The following HORMAD2 variants were observed in gnomAD, a reference collection of about 807,000 sequenced individuals.
HORMAD2 encodes the protein HORMA domain containing 2.
A neutral mutation model predicts 38.8 loss-of-function variants in HORMAD2; 45 were observed. That is an observed-to-expected ratio of 1.16 (90% CI 0.91 to 1.49). The LOEUF (loss-of-function observed/expected upper bound fraction) is 1.49. HORMAD2 is among the 40% of genes most tolerant of loss of function. The pLI is 0.00. For synonymous variants in HORMAD2, 126 were observed against 122.8 expected, an observed-to-expected ratio of 1.03 and a Z score of -0.17; for missense variants, 338 against 367.0, an observed-to-expected ratio of 0.92 and a Z score of 0.65.
chr22:30,136,851 T>C, intron 10 of HORMAD2: 1 of 352,468 alleles, frequency 2.8e-6, no homozygotes. Flanking sequence ...ATGGAGAGGA[T>C]AAACAGATAG....
chr22:30,079,165 G>A (rs7286205), upstream of HORMAD2, among the ~76,000 whole-genome samples: 11,818 of 151,942 alleles, frequency 0.078, 538 homozygotes, highest in African/African-American at 0.091. Context: ...GGTTTCAAGT[G>A]GCTCACTCTT....
intron 5 of HORMAD2, among the ~76,000 whole-genome samples, chr22:30,109,569 G>A (rs1301932155): frequency 1.4e-5 from 2 of 142,484 alleles, no homozygotes; most frequent in East Asian, 4.2e-4. Context: ...TGCCCACCTT[G>A]GGCTCCCAAA....
intron 1 of HORMAD2, among the ~76,000 whole-genome samples, chr22:30,091,262 CTTTCTTTTTTTTT>C (rs1443170322): frequency 3.4e-5 from 4 of 116,634 alleles, no homozygotes; most frequent in African/African-American, 1.8e-4. Flanking sequence ...TTCTCTCTTT[CTTTCTTTTTTTTT>C]TTTTTTTTTG....
At chr22:30,080,220 C>G (rs967337608), upstream of HORMAD2, 4 of 152,422 alleles carry the variant, frequency 2.6e-5, no homozygotes, top group African/African-American at 9.6e-5. Context: ...AAGGTCGCGT[C>G]GGGTCAGTGT....
the HORMAD2 span, among the ~76,000 whole-genome samples, chr22:30,188,773 C>T: frequency 1.3e-5 from 2 of 152,128 alleles, no homozygotes; most frequent in Non-Finnish European, 2.9e-5. Context: ...CCTTTTTCCC[C>T]ACTTCCTACA....
chr22:30,179,127 T>G (rs1926598668), downstream of HORMAD2, among the ~76,000 whole-genome samples: 2 of 152,304 alleles, frequency 1.3e-5, no homozygotes, highest in Admixed American at 6.5e-5. Context: ...AATTGTCAAT[T>G]TATGGTTTCA....
chr22:30,138,809 A>G (rs897171720), intron 10 of HORMAD2, among the ~76,000 whole-genome samples: 2 of 152,202 alleles, frequency 1.3e-5, no homozygotes, highest in African/African-American at 4.8e-5. Flanking sequence ...GTATATAGAA[A>G]TACTTTTGAA....
rs1922495015 is a variant in HORMAD2, at chr22:30,122,131, A to C, written c.736A>C (p.Asn246His). 6 of 1,613,610 alleles carry C rather than the reference A, an allele frequency of 3.7e-6. No homozygotes were observed. Among genetic ancestry groups the C allele is most frequent in the African/African-American group, 2.7e-5 (2 of 74,916 alleles). Residue 246 changes from asparagine (N) to histidine (H), a missense_variant, in exon 10 of 11, where the codon AAC becomes CAC. Asn to His is a moderately conservative substitution (Grantham distance 68, BLOSUM62 1). Coordinates refer to ENST00000336726, the MANE Select transcript of HORMAD2 (RefSeq NM_152510.4). Reference protein sequence around the residue: ...TEATKVIDLENNLFRENSTTE... With the variant: ...TEATKVIDLEHNLFRENSTTE... Reference sequence around the variant, plus strand: ...GGCTACAAAAGTGATTGATTTGGAGAACAATCTGTTTCGGGAGAACAGCAC... The same window carrying C: ...GGCTACAAAAGTGATTGATTTGGAGCACAATCTGTTTCGGGAGAACAGCAC...
rs775847470 is a variant in HORMAD2 at position 30,122,045 on chromosome 22, A to G, written c.650A>G (p.Asn217Ser). The change falls in exon 10 of 11, where the codon AAC becomes AGC. Residue 217 changes from asparagine (N) to serine (S), a missense_variant. Coordinates refer to ENST00000336726, the MANE Select transcript of HORMAD2 (RefSeq NM_152510.4). The part of the protein sequence containing the change: ...HFLLFDKEPI[N>S]VQVGFVSTGF... ...CTGCTGTTTGACAAGGAGCCTATCAACGTGCAAGTGGGATTTGTCTCCACT... is the reference window on the plus strand; with the variant it reads ...CTGCTGTTTGACAAGGAGCCTATCAGCGTGCAAGTGGGATTTGTCTCCACT... 2 of 1,613,574 alleles carry G rather than the reference A, an allele frequency of 1.2e-6. No homozygotes were observed.
chr22:30,091,570 T>TTTATTATGCA (rs1460607479), intron 1 of HORMAD2, among the ~76,000 whole-genome samples: 4 of 152,156 alleles, frequency 2.6e-5, no homozygotes, highest in Non-Finnish European at 4.4e-5. Context: ...CGGCCTATAT[T>TTTATTATGCA]TTATTCATGC....
intron 10 of HORMAD2, among the ~76,000 whole-genome samples, chr22:30,145,337 G>T (rs922930678): frequency 2.0e-5 from 3 of 152,208 alleles, no homozygotes; most frequent in Non-Finnish European, 4.4e-5. Context: ...GATGAAACTG[G>T]TTGTGTATAC....
chr22:30,200,397 T>G, the HORMAD2 span, among the ~76,000 whole-genome samples: 1 of 152,190 alleles, frequency 6.6e-6, no homozygotes, highest in Admixed American at 6.5e-5. Context: ...GTAGTGTTCT[T>G]TATCAAGATC....
the HORMAD2 span, among the ~76,000 whole-genome samples, chr22:30,196,618 C>A: frequency 2.0e-5 from 3 of 152,144 alleles, no homozygotes; most frequent in Non-Finnish European, 4.4e-5. Context: ...ACAGAGGGGC[C>A]AGGTCTGGGC....
Position 30,176,103 on chromosome 22 carries a change from A to G in HORMAD2, c.860A>G (p.Glu287Gly), listed in dbSNP as rs1457123757. ...TTTGTGTGCAGTCAGCAAAGTTCTG[A>G]GTGCTCCAGGAAGAAGAGGAAGGTC... Reference protein sequence around the residue: ...MNFVCSQQSSECSRKKRKVSE... With the variant: ...MNFVCSQQSSGCSRKKRKVSE... Residue 287 changes from glutamate to glycine, a missense_variant, in exon 11 of 11, where the codon GAG becomes GGG. Physicochemically the swap from Glu to Gly is moderately conservative, Grantham distance 98 (BLOSUM62 -2). Transcript: ENST00000336726. The G allele has an allele frequency of 1.9e-6, 3 of 1,613,472 alleles. No individual in the cohort carries two copies. The South Asian group carries it at 3.3e-5, about 18-fold the overall frequency.
chr22:30,150,973 A>T (rs1924712474), intron 10 of HORMAD2, among the ~76,000 whole-genome samples: 1 of 152,226 alleles, frequency 6.6e-6, no homozygotes, highest in Non-Finnish European at 1.5e-5. Context: ...GAATCTGAAG[A>T]TTCCAACTGT....
At chr22:30,130,824 C>G (rs1454885723) in intron 10 of HORMAD2, among the ~76,000 whole-genome samples, 1 of 151,748 alleles carries the variant, frequency 6.6e-6, no homozygotes, top group Non-Finnish European at 1.5e-5. Context: ...CTCCTGAGCT[C>G]AAGCAACCCA....
chr22:30,078,921 G>A (rs946974078), upstream of HORMAD2, among the ~76,000 whole-genome samples: 20 of 151,770 alleles, frequency 1.3e-4, no homozygotes, highest in Admixed American at 7.2e-4. Context: ...AAAGTATAGG[G>A]TGAACGCAGT....
chr22:30,122,398 A>G (rs1056267964), intron 10 of HORMAD2, among the ~76,000 whole-genome samples, 184 bp downstream of exon 10: 2 of 152,234 alleles, frequency 1.3e-5, no homozygotes, highest in Non-Finnish European at 2.9e-5. Flanking sequence ...ATACTTTATC[A>G]GATGAAATTG....
chr22:30,102,644 A>C (rs1920958049), intron 3 of HORMAD2, among the ~76,000 whole-genome samples: 2 of 152,202 alleles, frequency 1.3e-5, no homozygotes, highest in African/African-American at 4.8e-5. Flanking sequence ...ATTTATTTTG[A>C]GAGGGAGTCT....
Sources: gnomAD v4.1 joint callset for allele counts (sites outside exome capture counted in the v4.1 genomes callset) on GRCh38, gnomAD v4.1.1 for gene constraint, MANE v1.5 for transcripts, NCBI Gene and HGNC (gene_info 2026-07-23, HGNC 2026-07-21) for gene names.